The following CBLL1 variants were observed in gnomAD, a reference collection of about 807,000 sequenced individuals.
CBLL1 encodes the protein Cbl proto-oncogene like 1.
CBLL1 carries 4 observed loss-of-function variants against 44.9 expected under a neutral mutation model. The observed-to-expected ratio is 0.09, with a 90% CI of 0.04 to 0.20. CBLL1 has a LOEUF of 0.20. Ranked by LOEUF, CBLL1 falls within the 10% of genes least tolerant of loss-of-function variation. The pLI is 1.00. For missense variants in CBLL1, 569 were observed against 636.7 expected, an observed-to-expected ratio of 0.89 and a Z score of 1.14; for synonymous variants, 235 against 202.2, an observed-to-expected ratio of 1.16 and a Z score of -1.38.
chr7:107,748,896 C>T lies in CBLL1; in HGVS notation c.30C>T (p.Gly10=), dbSNP rs762201282. Residue 10 remains glycine, a synonymous_variant, in exon 2 of 6, where the codon GGC becomes GGT. Coordinates refer to ENST00000440859, the MANE Select transcript of CBLL1 (RefSeq NM_024814.4). ...CTAACACAGACAATGAGTTACAAGG[C>T]ACTAATAGTTCTGGATCCTTGGGTG... MDHTDNELQ[G]TNSSGSLGGL... is the part of the protein sequence containing the mutation. The T allele has an allele frequency of 6.2e-7, 1 of 1,610,050 alleles. No individual in the cohort carries two copies. Among genetic ancestry groups the T allele is most frequent in the South Asian group, 1.1e-5 (1 of 90,282 alleles).
rs1457110913 is a variant in CBLL1 at position 107,744,214 on chromosome 7, C to T, written c.13+38C>T. ...AGGCAGTGGGGGTCCCGGTTCCAAG[C>T]CCCCTTGGCCGGCCTGGGGCTGGTC... On this transcript the variant is annotated intron_variant, in intron 1 of 5. Transcript: ENST00000440859. The T allele has an allele frequency of 2.6e-6, 4 of 1,534,462 alleles. No individual in the cohort carries two copies. In the South Asian group the frequency reaches 3.7e-5, roughly 14 times the overall value.
rs1562867447 is a variant in CBLL1 at position 107,759,186 on chromosome 7, A to G, written c.*8A>G. 1 of 1,571,832 alleles carries G rather than the reference A, an allele frequency of 6.4e-7. No homozygotes were observed. The highest frequency in any genetic ancestry group is 8.6e-7 in the Non-Finnish European group (1 of 1,158,230). On this transcript the variant is annotated 3_prime_UTR_variant, in exon 6 of 6. Transcript: ENST00000440859. ...AGACCGTATTACCAATGATAATAGTATTTTGAATGGAAGATATGAGGGGGA... is the reference window on the plus strand; with the variant it reads ...AGACCGTATTACCAATGATAATAGTGTTTTGAATGGAAGATATGAGGGGGA...
At position 107,759,294 on chromosome 7, in the gene CBLL1, C is replaced by T. The variant is rs1284567433; in HGVS notation, c.*116C>T. On this transcript the variant is annotated 3_prime_UTR_variant, in exon 6 of 6. Transcript: ENST00000440859. ...CCTCTTATCGAGGTAGTATAAAACA[C>T]ATAGGGTCTTGTTTCTTAAAATGGT... The T allele has an allele frequency of 1.2e-6, 1 of 858,004 alleles. No individual in the cohort carries two copies. The highest frequency in any genetic ancestry group is 1.8e-6 in the Non-Finnish European group (1 of 561,292). The allele number at this position is 858,004 out of a possible 1,614,324, so 53.1% of individuals were successfully genotyped here. A position where few individuals can be genotyped will look rare whatever the true frequency, so the allele number is the denominator to read the frequency against.
Position 107,755,477 on chromosome 7 carries a change from T to G in CBLL1, c.426T>G (p.Asp142Glu). The change falls in exon 5 of 6, where the codon GAT (aspartate) becomes GAG (glutamate). Residue 142 changes from aspartate (D) to glutamate (E), a missense_variant. Around this residue, in one of 5 missense-constraint regions of CBLL1, gnomAD observed 209 missense variants for 202.8 expected, o/e 1.03. Coordinates refer to ENST00000440859, the MANE Select transcript of CBLL1 (RefSeq NM_024814.4). ...CTATTTTACATGAAAAAAAGGGAGA[T>G]AAGATGTGTCCAGGGTAAGATAAGA... is the stretch of plus-strand genomic sequence containing the variant. Reference protein sequence around the residue: ...DCAILHEKKGDKMCPGCSDPV... With the variant: ...DCAILHEKKGEKMCPGCSDPV... 6.3e-7 allele frequency: 1 copy of G among 1,577,770 alleles called. No homozygotes were observed. Among genetic ancestry groups the G allele is most frequent in the South Asian group, 1.1e-5 (1 of 87,104 alleles).
intron 1 of CBLL1, among the ~76,000 whole-genome samples, chr7:107,746,344 A>G (rs183368735): frequency 5.9e-4 from 90 of 152,300 alleles, no homozygotes; most frequent in South Asian, 1.4e-3. Flanking sequence ...GAATGAGCTG[A>G]CCACTTAAAA....
intron 1 of CBLL1, 103 bp from the exon 2 acceptor site, chr7:107,748,777 C>A: frequency 1.0e-6 from 1 of 968,022 alleles, no homozygotes; most frequent in Non-Finnish European, 1.5e-6. Context: ...GAACCCAGAT[C>A]TTTAACCTTG....
rs1793617415 is a variant in CBLL1, at chr7:107,758,189, C to G, written c.487C>G (p.Leu163Val). The G allele has an allele frequency of 6.2e-7, 1 of 1,614,002 alleles. No homozygotes were observed. Among genetic ancestry groups the G allele is most frequent in the Non-Finnish European group, 8.5e-7 (1 of 1,179,942 alleles). Reference protein sequence around the residue: ...QRIEQCTRGSLFMCSIVQGCK... With the variant: ...QRIEQCTRGSVFMCSIVQGCK... ...AATTGAGCAGTGTACACGAGGTTCT[C>G]TCTTCATGTGTAGCATTGTTCAAGG... The change falls in exon 6 of 6, where the codon CTC becomes GTC. Residue 163 changes from leucine to valine, a missense_variant. Coordinates refer to ENST00000440859, the MANE Select transcript of CBLL1 (RefSeq NM_024814.4). This position sits in a 1 kb window ranked among gnomAD's most constrained non-coding sequence, Gnocchi z 4.2.
chr7:107,759,079 G>T lies in CBLL1; in HGVS notation c.1377G>T (p.Gly459=). 6.2e-7 allele frequency: 1 copy of T among 1,613,640 alleles called. No individual in the cohort carries two copies. The highest frequency in any genetic ancestry group is 8.5e-7 in the Non-Finnish European group (1 of 1,179,882). ...MSPGIWPAPR[G]PPPPPRLQGP... is the part of the protein sequence containing the mutation. ...CTGGTATATGGCCTGCACCAAGAGG[G>T]CCACCACCACCTCCACGATTGCAGG... Residue 459 remains glycine (G), a synonymous_variant, in exon 6 of 6, where the codon GGG becomes GGT. Coordinates refer to ENST00000440859, the MANE Select transcript of CBLL1 (RefSeq NM_024814.4).
chr7:107,749,137 G>T, intron 2 of CBLL1, 90 bp downstream of exon 2: 2 of 1,134,178 alleles, frequency 1.8e-6, no homozygotes, highest in Non-Finnish European at 1.3e-6. Context: ...ACCTCTTTTT[G>T]TCTTACATAT....
At chr7:107,747,182 A>C (rs2115590659) in intron 1 of CBLL1, among the ~76,000 whole-genome samples, 1 of 152,340 alleles carries the variant, frequency 6.6e-6, no homozygotes, top group African/African-American at 2.4e-5. Context: ...GCTGTACCTC[A>C]TGAACTTGAA....
chr7:107,753,543 CAAT>C (rs1229217992), intron 3 of CBLL1, 32 bp downstream of exon 3: 1 of 1,253,460 alleles, frequency 8.0e-7, no homozygotes, highest in Non-Finnish European at 1.1e-6. Flanking sequence ...TGTATTATAA[CAAT>C]AAAATATTTT....
At chr7:107,746,407 T>C (rs904710805) in intron 1 of CBLL1, among the ~76,000 whole-genome samples, 3 of 120,830 alleles carry the variant, frequency 2.5e-5, no homozygotes, top group African/African-American at 8.9e-5. Flanking sequence ...TCTTACCTAT[T>C]TTATTTTTTT....
Position 107,760,223 on chromosome 7 carries a change from T to C in CBLL1, c.*1045T>C, listed in dbSNP as rs1430118226. On this transcript the variant is annotated 3_prime_UTR_variant, in exon 6 of 6. Transcript: ENST00000440859. ...ATTTTCAACTACAGTTTGAATGCCA[T>C]GGAGGAATTTGAATAATATATTAAT... The C allele has an allele frequency of 6.6e-6, 1 of 152,292 alleles. No individual in the cohort carries two copies. Among genetic ancestry groups the C allele is most frequent in the Non-Finnish European group, 1.5e-5 (1 of 67,970 alleles). 9.4% of individuals were successfully genotyped at this position (152,292 alleles called of 1,614,324 possible).
intron 2 of CBLL1, among the ~76,000 whole-genome samples, chr7:107,750,303 G>T (rs1175062000): frequency 6.6e-6 from 1 of 151,610 alleles, no homozygotes; most frequent in East Asian, 1.9e-4. Flanking sequence ...AATATTTATT[G>T]CAGAGAATCT....
intron 5 of CBLL1, among the ~76,000 whole-genome samples, chr7:107,756,683 A>G (rs1043179310): frequency 6.6e-6 from 1 of 152,182 alleles, no homozygotes; most frequent in African/African-American, 2.4e-5. Flanking sequence ...TAAGTATTAA[A>G]AGGAAATTAA....
At chr7:107,757,202 G>T (rs928483900) in intron 5 of CBLL1, among the ~76,000 whole-genome samples, 4 of 152,120 alleles carry the variant, frequency 2.6e-5, no homozygotes, top group African/African-American at 9.7e-5. Context: ...TTTATATATA[G>T]TGCTTAATTG....
At chr7:107,746,868 T>C (rs934159707) in intron 1 of CBLL1, among the ~76,000 whole-genome samples, 2 of 152,224 alleles carry the variant, frequency 1.3e-5, no homozygotes, top group African/African-American at 4.8e-5. Context: ...ATCCCAGATT[T>C]TGTAAAAGAT....
Position 107,759,189 on chromosome 7 carries a change from T to C in CBLL1, c.*11T>C. ...CCGTATTACCAATGATAATAGTATTTTGAATGGAAGATATGAGGGGGAAAA... is the reference window on the plus strand; with the variant it reads ...CCGTATTACCAATGATAATAGTATTCTGAATGGAAGATATGAGGGGGAAAA... On this transcript the variant is annotated 3_prime_UTR_variant, in exon 6 of 6. Transcript: ENST00000440859. 6.4e-7 allele frequency: 1 copy of C among 1,569,626 alleles called. No homozygotes were observed.
Position 107,754,558 on chromosome 7 carries a change from T to G in CBLL1, c.366+580T>G, listed in dbSNP as rs1037427425. 3.3e-5 allele frequency among the ~76,000 whole-genome samples: 5 copies of G among 152,198 alleles called. No homozygotes were observed. In the East Asian group the frequency reaches 9.6e-4, roughly 29 times the overall value. ...TCAATAACATACCTGTGATGGTAGA[T>G]GGCATGGATTATGCAGTGTTGCTTT... On this transcript the variant is annotated intron_variant, in intron 4 of 5. Transcript: ENST00000440859.
Sources: gnomAD v4.1 joint callset for allele counts (sites outside exome capture counted in the v4.1 genomes callset) on GRCh38, gnomAD v4.1.1 for gene constraint, gnomAD v4.1.1 regional missense constraint, Gnocchi (gnomAD v3.1) non-coding constraint, MANE v1.5 for transcripts, NCBI Gene and HGNC (gene_info 2026-07-23, HGNC 2026-07-21) for gene names.